Variants in KCNIP1 observed in about 807,000 individuals in gnomAD.
KCNIP1 encodes potassium voltage-gated channel interacting protein 1.
Under a neutral mutation model 33.0 loss-of-function variants are expected in KCNIP1, and 18 were observed. The observed-to-expected ratio is 0.55, with a 90% CI of 0.38 to 0.81. The LOEUF (loss-of-function observed/expected upper bound fraction) is 0.81. Among genes scored for constraint, KCNIP1 ranks in the 30% least tolerant of loss-of-function variants. The pLI is 0.00. For missense variants in KCNIP1, 238 were observed against 271.6 expected (o/e 0.88, Z 0.87); for synonymous variants, 93 against 98.3 (o/e 0.95, Z 0.32).
intron 1 of KCNIP1, among the ~76,000 whole-genome samples, chr5:170,665,780 G>A (rs1362093210): frequency 1.3e-5 from 2 of 152,102 alleles, no homozygotes; most frequent in Admixed American, 1.3e-4. Context: ...TGATAACCTT[G>A]ACAATATTAA....
chr5:170,575,192 G>A (rs78562996), intron 1 of KCNIP1, among the ~76,000 whole-genome samples: 5,785 of 152,196 alleles, frequency 0.038, 199 homozygotes, highest in East Asian at 0.21. Flanking sequence ...TTTTGCAGTC[G>A]TATTTGTGTT....
rs1025674242 is a variant in KCNIP1, at chr5:170,676,557, G to C, written c.62-42201G>C. ...CAATTATTGGCATTATTTTAATACC[G>C]ACTGCAGCAGAACATTCTGGAAAAT... On this transcript the variant is annotated intron_variant, in intron 1 of 7. Transcript: ENST00000328939. Among the ~76,000 whole-genome samples the C allele has an allele frequency of 2.6e-5, 4 of 152,202 alleles. No homozygotes were observed. In the South Asian group the frequency reaches 8.3e-4, roughly 32 times the overall value.
intron 1 of KCNIP1, among the ~76,000 whole-genome samples, chr5:170,671,062 C>T (rs958360185): frequency 6.6e-6 from 1 of 152,118 alleles, no homozygotes; most frequent in African/African-American, 2.4e-5. Context: ...CTGAGGCAGT[C>T]TGGAAGTTCA....
chr5:170,667,184 C>A (rs1333748501), intron 1 of KCNIP1, among the ~76,000 whole-genome samples: 1 of 151,962 alleles, frequency 6.6e-6, no homozygotes, highest in Non-Finnish European at 1.5e-5. Flanking sequence ...GGGTGGCAGG[C>A]ACCTGTAATC....
chr5:170,502,293 C>T (rs1206271687), upstream of KCNIP1, among the ~76,000 whole-genome samples: 1 of 152,170 alleles, frequency 6.6e-6, no homozygotes, highest in East Asian at 1.9e-4. Flanking sequence ...AAACAGGACA[C>T]ATGCTGGGAT....
At chr5:170,361,873 CAT>C (rs1763522086) in intron 1 of KCNIP1, among the ~76,000 whole-genome samples, 1 of 152,200 alleles carries the variant, frequency 6.6e-6, no homozygotes, top group African/African-American at 2.4e-5. Context: ...CTTCAAATAC[CAT>C]CACCTCAGGA....
chr5:170,503,935 G>GC, upstream of KCNIP1: 1 of 190,644 alleles, frequency 5.2e-6, no homozygotes, highest in Non-Finnish European at 9.4e-6. Flanking sequence ...GGCGTCCCCC[G>GC]CCCCCACCGT....
intron 1 of KCNIP1, among the ~76,000 whole-genome samples, chr5:170,630,566 C>T (rs947298272): frequency 2.0e-5 from 3 of 152,200 alleles, no homozygotes; most frequent in African/African-American, 7.2e-5. Flanking sequence ...TACTGCCTAA[C>T]TTGGAGCCAC....
chr5:170,358,299 A>G (rs1007979141), intron 1 of KCNIP1, among the ~76,000 whole-genome samples: 3 of 152,074 alleles, frequency 2.0e-5, no homozygotes, highest in South Asian at 2.1e-4. Flanking sequence ...GGAAGATGAG[A>G]TCTATCTCAA....
chr5:170,437,691 T>G (rs1755896743), intron 1 of KCNIP1, among the ~76,000 whole-genome samples: 1 of 152,142 alleles, frequency 6.6e-6, no homozygotes, highest in Admixed American at 6.5e-5. Context: ...ACTCTGCCCT[T>G]GAGCCCTGAG....
intron 1 of KCNIP1, among the ~76,000 whole-genome samples, chr5:170,490,687 AT>A (rs996873610): frequency 6.6e-6 from 1 of 152,096 alleles, no homozygotes; most frequent in African/African-American, 2.4e-5. Context: ...TTATTAAAAA[AT>A]CTCACATGAC....
intron 1 of KCNIP1, among the ~76,000 whole-genome samples, chr5:170,406,219 G>A (rs1755034889): frequency 6.6e-6 from 1 of 152,224 alleles, no homozygotes. Context: ...GTTGGTGGGA[G>A]AGAGATTGGG....
intron 1 of KCNIP1, among the ~76,000 whole-genome samples, chr5:170,514,251 T>A (rs1426642251): frequency 1.3e-5 from 2 of 152,152 alleles, no homozygotes; most frequent in African/African-American, 2.4e-5. Context: ...ACCATGAAGC[T>A]CCCAGCTGCC....
chr5:170,410,142 T>C (rs1373620054), intron 1 of KCNIP1, among the ~76,000 whole-genome samples: 7 of 152,236 alleles, frequency 4.6e-5, no homozygotes, highest in African/African-American at 9.6e-5. Flanking sequence ...CAGCCTGCCC[T>C]GTGCAGGGCC....
chr5:170,725,758 A>T (rs182908750), intron 5 of KCNIP1, among the ~76,000 whole-genome samples: 1 of 152,304 alleles, frequency 6.6e-6, no homozygotes, highest in East Asian at 1.9e-4. Context: ...CTGTATCAAA[A>T]CTTGTCATGT....
At chr5:170,394,424 G>A (rs1202922893) in intron 1 of KCNIP1, among the ~76,000 whole-genome samples, 1 of 152,168 alleles carries the variant, frequency 6.6e-6, no homozygotes, top group Non-Finnish European at 1.5e-5. Context: ...AGCGCCAGGA[G>A]GAATAAACAA....
At position 170,587,421 on chromosome 5, in the gene KCNIP1, C is replaced by CAAAAAAAAAAAAAA. The variant is rs56358014; in HGVS notation, c.61+82800_61+82813dup. Among the ~76,000 whole-genome samples the CAAAAAAAAAAAAAA allele has an allele frequency of 1.9e-3, 132 of 70,330 alleles. 3 individuals carry two copies. The highest frequency in any genetic ancestry group is 7.0e-3 in the Middle Eastern group (1 of 142). 46.1% of individuals were successfully genotyped at this position (70,330 alleles called of 152,430 possible). ...TGGGCAACAGAGCGAGACTCTGTCT[C>CAAAAAAAAAAAAAA]AAAAAAAAAAAAAAAAAAAAAAAAA... is the stretch of plus-strand genomic sequence containing the variant. On this transcript the variant is annotated intron_variant, in intron 1 of 7. Coordinates refer to ENST00000328939, the MANE Select transcript of KCNIP1 (RefSeq NM_014592.4).
chr5:170,362,733 G>A lies in KCNIP1; in HGVS notation c.88+8769G>A, dbSNP rs548798383. Among the ~76,000 whole-genome samples, 267 of 152,298 alleles carry A rather than the reference G, an allele frequency of 1.8e-3. 2 individuals carry two copies. Among genetic ancestry groups the A allele is most frequent in the African/African-American group, 6.0e-3 (248 of 41,544 alleles). ...TCAGGTAGGGAGGTGTGATTCTGGG[G>A]CTTGTATCTGAGAAGCTGGGGTTAG... On this transcript the variant is annotated intron_variant, in intron 1 of 7. Transcript: ENST00000377360.
intron 1 of KCNIP1, among the ~76,000 whole-genome samples, chr5:170,460,708 T>C (rs1363859884): frequency 6.6e-6 from 1 of 152,016 alleles, no homozygotes; most frequent in Non-Finnish European, 1.5e-5. Flanking sequence ...ATAAAAGTCA[T>C]CTATGACAAA....
Sources: gnomAD v4.1 joint callset for allele counts (sites outside exome capture counted in the v4.1 genomes callset) on GRCh38, gnomAD v4.1.1 for gene constraint, MANE v1.5 for transcripts, NCBI Gene and HGNC (gene_info 2026-07-23, HGNC 2026-07-21) for gene names.